ZFAT: variants seen among roughly 807,000 people sequenced by gnomAD.
ZFAT encodes zinc finger and AT-hook domain containing.
ZFAT carries 64 observed loss-of-function variants against 117.7 expected under a neutral mutation model. The ratio of observed to expected loss-of-function variants is 0.54; its 90% CI spans 0.44 to 0.67. ZFAT has a LOEUF of 0.67. ZFAT is among the 30% of genes least tolerant of loss of function. The pLI, the probability that ZFAT is intolerant of heterozygous loss-of-function variation, is 0.00. For synonymous variants in ZFAT, 679 were observed against 615.0 expected (o/e 1.10, Z -1.54); for missense variants, 1,433 against 1,584.5 (o/e 0.90, Z 1.62).
chr8:134,786,498 T>C, the ZFAT span, among the ~76,000 whole-genome samples: 10,883 of 152,190 alleles, frequency 0.072, 529 homozygotes, highest in African/African-American at 0.14. Context: ...CCCCTCCAAC[T>C]CCCTGCATTC....
chr8:134,592,995 C>G (rs916198652), intron 7 of ZFAT, among the ~76,000 whole-genome samples: 1 of 152,310 alleles, frequency 6.6e-6, no homozygotes, highest in African/African-American at 2.4e-5. Context: ...CCAGGCAATG[C>G]CACAGATCCC....
the ZFAT span, chr8:134,794,062 C>T: frequency 2.0e-5 from 3 of 152,150 alleles, no homozygotes; most frequent in East Asian, 1.9e-4. Flanking sequence ...GTTGTATGAT[C>T]GCTTTTTCCT....
At chr8:134,610,174 A>C (rs1828214846) in intron 4 of ZFAT, among the ~76,000 whole-genome samples, 1 of 149,576 alleles carries the variant, frequency 6.7e-6, no homozygotes, top group African/African-American at 2.6e-5. Context: ...GGGTGAGGGG[A>C]CGAAGAAAAC....
chr8:134,535,544 A>G (rs1178588203), intron 11 of ZFAT, among the ~76,000 whole-genome samples: 1 of 130,380 alleles, frequency 7.7e-6, no homozygotes, highest in Non-Finnish European at 1.6e-5. Flanking sequence ...TGGTCAGTCA[A>G]CCTGCTCTAA....
the ZFAT span, among the ~76,000 whole-genome samples, chr8:134,733,317 G>A: frequency 6.6e-6 from 1 of 152,180 alleles, no homozygotes; most frequent in African/African-American, 2.4e-5. Context: ...GCCAAAATGA[G>A]CCAATATCAC....
chr8:134,490,875 C>A (rs1320987771), intron 15 of ZFAT, among the ~76,000 whole-genome samples: 1 of 152,168 alleles, frequency 6.6e-6, no homozygotes, highest in African/African-American at 2.4e-5. Flanking sequence ...GAAACCCAAG[C>A]CGGTGTCTTG....
the ZFAT span, among the ~76,000 whole-genome samples, chr8:134,721,862 C>T: frequency 8.5e-5 from 13 of 152,218 alleles, no homozygotes; most frequent in Non-Finnish European, 1.6e-4. Context: ...CAGATGACCT[C>T]AGCCCTCACA....
intron 2 of ZFAT, among the ~76,000 whole-genome samples, chr8:134,649,761 A>G (rs964630330): frequency 1.3e-5 from 2 of 152,208 alleles, no homozygotes; most frequent in Non-Finnish European, 2.9e-5. Context: ...AAGGTTTAAA[A>G]TTGTTAAGAT....
chr8:134,577,792 C>A (rs565995041), intron 10 of ZFAT, among the ~76,000 whole-genome samples: 164 of 152,192 alleles, frequency 1.1e-3, no homozygotes, highest in African/African-American at 3.7e-3. Flanking sequence ...AAGTAAAAAA[C>A]ATGAAAGAGA....
intron 3 of ZFAT, among the ~76,000 whole-genome samples, chr8:134,614,797 G>A (rs908411721): frequency 6.6e-6 from 1 of 152,104 alleles, no homozygotes; most frequent in African/African-American, 2.4e-5. Flanking sequence ...TTATGAGGAG[G>A]GTTTTCCAGG....
At chr8:134,790,824 G>T in the ZFAT span, among the ~76,000 whole-genome samples, 1 of 151,582 alleles carries the variant, frequency 6.6e-6, no homozygotes, top group Non-Finnish European at 1.5e-5. Flanking sequence ...AGACCAGCTC[G>T]GGCAACACAG....
chr8:134,576,587 A>G (rs1265894421), intron 10 of ZFAT, among the ~76,000 whole-genome samples: 3 of 152,160 alleles, frequency 2.0e-5, no homozygotes, highest in Non-Finnish European at 2.9e-5. Flanking sequence ...ACCATTTTCT[A>G]TTTACTTCCT....
intron 2 of ZFAT, among the ~76,000 whole-genome samples, chr8:134,652,061 T>C (rs1831276728): frequency 2.6e-5 from 4 of 152,182 alleles, no homozygotes; most frequent in Admixed American, 2.0e-4. Flanking sequence ...CTCACGCCTC[T>C]AATCCCAGCA....
chr8:134,590,178 C>A (rs3739426), intron 8 of ZFAT, 90 bp downstream of exon 8: 104,656 of 928,864 alleles, frequency 0.11, 7,708 homozygotes, highest in East Asian at 0.38. Flanking sequence ...CTTTTTATTT[C>A]TATATAGTGC....
At chr8:134,746,900 A>G in the ZFAT span, among the ~76,000 whole-genome samples, 2 of 152,184 alleles carry the variant, frequency 1.3e-5, no homozygotes, top group Non-Finnish European at 2.9e-5. Context: ...CATTCCCTTT[A>G]TTCATGAACT....
chr8:134,540,077 A>G (rs990217490), intron 11 of ZFAT, among the ~76,000 whole-genome samples: 1 of 152,248 alleles, frequency 6.6e-6, no homozygotes, highest in Non-Finnish European at 1.5e-5. Flanking sequence ...GTCTTTAATC[A>G]GTTCATTAGC....
the ZFAT span, among the ~76,000 whole-genome samples, chr8:134,827,308 G>C: frequency 6.6e-6 from 1 of 152,008 alleles, no homozygotes; most frequent in East Asian, 1.9e-4. Context: ...GCCTCCCAAA[G>C]TGCTGGGATT....
At chr8:134,580,334 C>T (rs1825631624) in intron 10 of ZFAT, among the ~76,000 whole-genome samples, 1 of 152,168 alleles carries the variant, frequency 6.6e-6, no homozygotes, top group South Asian at 2.1e-4. Flanking sequence ...CCAAATAATT[C>T]CAGGCAGGCT....
In ZFAT at chr8:134,600,442, T is replaced by C. The variant is rs531744957; in HGVS notation, c.2469A>G (p.Thr823=). ...GCTTGGGCTTGCTACTTACCAGTGC[T>C]GTGTGAACTTTAAGATGTGCCTGTA... ...YKLQAHLKVH[T]ALDKRSYSCP... is the part of the protein sequence containing the mutation. Residue 823 remains threonine, a synonymous_variant, in exon 7 of 16, where the codon ACA becomes ACG. Coordinates refer to ENST00000377838, the MANE Select transcript of ZFAT (RefSeq NM_020863.4). 1 of 1,614,168 alleles carries C rather than the reference T, an allele frequency of 6.2e-7. No individual in the cohort carries two copies. Among genetic ancestry groups the C allele is most frequent in the Non-Finnish European group, 8.5e-7 (1 of 1,179,986 alleles).
Sources: allele counts gnomAD v4.1 joint callset (sites outside exome capture counted in the v4.1 genomes callset), GRCh38; gene constraint gnomAD v4.1.1; transcripts MANE v1.5; gene names NCBI Gene and HGNC (gene_info 2026-07-23, HGNC 2026-07-21).